Variants in NTRK2 observed in about 807,000 individuals in gnomAD.
NTRK2 encodes neurotrophic receptor tyrosine kinase 2.
In NTRK2, 13 loss-of-function variants were observed where a neutral mutation model predicts 94.5. The ratio of observed to expected loss-of-function variants is 0.14; its 90% CI spans 0.09 to 0.22. The LOEUF (loss-of-function observed/expected upper bound fraction) is 0.22, where lower values mean the gene tolerates loss of function less well. NTRK2 is among the 10% of genes least tolerant of loss of function. NTRK2 has a pLI of 1.00. For synonymous variants in NTRK2, 372 were observed against 407.4 expected, an observed-to-expected ratio of 0.91 and a Z score of 1.05; for missense variants, 639 against 1,071.2, an observed-to-expected ratio of 0.60 and a Z score of 5.63.
chr9:84,778,101 A>G (rs1448025930), intron 12 of NTRK2, among the ~76,000 whole-genome samples: 1 of 152,098 alleles, frequency 6.6e-6, no homozygotes, highest in Non-Finnish European at 1.5e-5. Flanking sequence ...GTCCCTACAA[A>G]AAGTTACAAA....
rs1414430883 is a variant in NTRK2 at position 84,867,422 on chromosome 9, C to G, written c.1624C>G (p.Pro542Ala). 1 of 1,613,192 alleles carries G rather than the reference C, an allele frequency of 6.2e-7. No individual in the cohort carries two copies. The highest frequency in any genetic ancestry group is 8.5e-7 in the Non-Finnish European group (1 of 1,179,162). The stretch of plus-strand genomic sequence containing the variant: ...TGGCATCACCAACAGTCAGCTCAAG[C>G]CAGACACATGTAAGTACAGCTGTTT... ...YFGITNSQLK[P>A]DTFVQHIKRH... Residue 542 changes from proline to alanine, a missense_variant, in exon 14 of 19, where the codon CCA becomes GCA. Physicochemically the swap from Pro to Ala is conservative, Grantham distance 27. Transcript: ENST00000277120.
In NTRK2 at chr9:84,670,775, A is replaced by G; in HGVS notation, c.27A>G (p.Gly9=). The G allele has an allele frequency of 1.2e-6, 2 of 1,613,058 alleles. No homozygotes were observed. The highest frequency in any genetic ancestry group is 1.7e-4 in the Middle Eastern group (1 of 5,780). The part of the protein sequence containing the change: MSSWIRWH[G]PAMARLWGFC... Reference sequence around the variant, plus strand: ...TGTCGTCCTGGATAAGGTGGCATGGACCCGCCATGGCGCGGCTCTGGGGCT... The same window carrying G: ...TGTCGTCCTGGATAAGGTGGCATGGGCCCGCCATGGCGCGGCTCTGGGGCT... The change falls in exon 2 of 19, where the codon GGA becomes GGG. Residue 9 remains glycine, a synonymous_variant. Transcript: ENST00000277120.
rs143407628 is a variant in NTRK2, at chr9:84,704,430, A to G, written c.359+2011A>G. On this transcript the variant is annotated intron_variant, in intron 4 of 18. Coordinates refer to ENST00000277120, the MANE Select transcript of NTRK2 (RefSeq NM_006180.6). Reference sequence around the variant, plus strand: ...TTTAGTAGAGATTGGGTTTCACCGCATTAGCCAGGATGGTCTCGATCTCCT... The same window carrying G: ...TTTAGTAGAGATTGGGTTTCACCGCGTTAGCCAGGATGGTCTCGATCTCCT... 9.2e-3 allele frequency among the ~76,000 whole-genome samples: 1,394 copies of G among 151,210 alleles called. 23 individuals are homozygous for G. The highest frequency in any genetic ancestry group is 0.048 in the East Asian group (244 of 5,114).
intron 17 of NTRK2, among the ~76,000 whole-genome samples, chr9:84,975,974 G>T (rs960894571): frequency 6.6e-6 from 1 of 152,118 alleles, no homozygotes; most frequent in Non-Finnish European, 1.5e-5. Context: ...CCCAGGAAGG[G>T]TAGATACCTG....
chr9:84,813,746 T>C (rs2072070472), intron 12 of NTRK2: 8 of 1,066,132 alleles, frequency 7.5e-6, no homozygotes, highest in Middle Eastern at 4.2e-4. Flanking sequence ...TCCTATTATA[T>C]CTGACACTAA....
chr9:84,993,929 T>G (rs932858256), intron 17 of NTRK2, among the ~76,000 whole-genome samples: 2 of 152,214 alleles, frequency 1.3e-5, no homozygotes, highest in Middle Eastern at 3.2e-3. Context: ...ACAAGAAACC[T>G]TATATCAGGC....
At chr9:84,723,430 T>C in intron 6 of NTRK2, 143 bp from the exon 7 acceptor site, 1 of 953,540 alleles carries the variant, frequency 1.0e-6, no homozygotes, top group South Asian at 1.5e-5. Context: ...AAAGTAGCAC[T>C]TTTTCAGATC....
chr9:84,906,874 A>G (rs2077090400), intron 14 of NTRK2, among the ~76,000 whole-genome samples: 1 of 152,198 alleles, frequency 6.6e-6, no homozygotes, highest in African/African-American at 2.4e-5. Context: ...ATCAATAGAC[A>G]ACCTTCCCCC....
intron 9 of NTRK2, among the ~76,000 whole-genome samples, chr9:84,737,481 C>T (rs1402334038): frequency 1.3e-5 from 2 of 152,072 alleles, no homozygotes; most frequent in Non-Finnish European, 2.9e-5. Context: ...GGGTTTGATG[C>T]TGTTGGGGAA....
At chr9:84,777,034 G>A (rs370637869) in intron 12 of NTRK2, among the ~76,000 whole-genome samples, 2 of 152,234 alleles carry the variant, frequency 1.3e-5, no homozygotes, top group South Asian at 2.1e-4. Flanking sequence ...AATATTTTCT[G>A]GTGGCCATGG....
chr9:84,769,316 C>T (rs1479737164), intron 12 of NTRK2, among the ~76,000 whole-genome samples: 1 of 152,142 alleles, frequency 6.6e-6, no homozygotes, highest in Non-Finnish European at 1.5e-5. Context: ...CATAATAGTA[C>T]ATTAGTTAAT....
intron 14 of NTRK2, among the ~76,000 whole-genome samples, chr9:84,918,266 C>T (rs921747601): frequency 6.6e-6 from 1 of 152,366 alleles, no homozygotes; most frequent in Admixed American, 6.5e-5. Context: ...GGCTGGCCAT[C>T]ATACACATTG....
chr9:84,842,568 G>T (rs1288991995), intron 12 of NTRK2, among the ~76,000 whole-genome samples: 1 of 152,026 alleles, frequency 6.6e-6, no homozygotes, highest in African/African-American at 2.4e-5. Context: ...CACCCATAGT[G>T]CTGCTTCCCT....
At chr9:84,775,846 T>C (rs1162227404) in intron 12 of NTRK2, among the ~76,000 whole-genome samples, 1 of 152,202 alleles carries the variant, frequency 6.6e-6, no homozygotes, top group Non-Finnish European at 1.5e-5. Flanking sequence ...ATCCCAGACC[T>C]ACTGAATTCA....
chr9:84,869,347 C>T (rs2075738145), intron 14 of NTRK2, among the ~76,000 whole-genome samples: 1 of 152,086 alleles, frequency 6.6e-6, no homozygotes, highest in Non-Finnish European at 1.5e-5. Flanking sequence ...CACCCAACCG[C>T]AATGTCCCAG....
intron 12 of NTRK2, chr9:84,815,805 A>G (rs1171522082): frequency 2.1e-6 from 2 of 933,686 alleles, no homozygotes; most frequent in Non-Finnish European, 2.6e-6. Flanking sequence ...AGAACTGAAG[A>G]CTTTAGAAGA....
chr9:84,875,896 G>C, intron 14 of NTRK2: 1 of 1,038,752 alleles, frequency 9.6e-7, no homozygotes, highest in Non-Finnish European at 1.2e-6. Context: ...TTAAGTTTAA[G>C]AGATTATAAA....
intron 6 of NTRK2, among the ~76,000 whole-genome samples, chr9:84,722,766 C>T (rs1033207488): frequency 2.6e-5 from 4 of 152,116 alleles, no homozygotes; most frequent in Non-Finnish European, 4.4e-5. Flanking sequence ...TTACACATAG[C>T]TTTTGAAATA....
At chr9:84,690,893 T>C (rs1183415079) in intron 2 of NTRK2, among the ~76,000 whole-genome samples, 1 of 152,136 alleles carries the variant, frequency 6.6e-6, no homozygotes, top group African/African-American at 2.4e-5. Flanking sequence ...ATATTGTACA[T>C]AAAGACCATT....
Sources: gnomAD v4.1 joint callset for allele counts (sites outside exome capture counted in the v4.1 genomes callset) on GRCh38, gnomAD v4.1.1 for gene constraint, MANE v1.5 for transcripts, NCBI Gene and HGNC (gene_info 2026-07-23, HGNC 2026-07-21) for gene names.